Variants in NOVA1 observed in about 807,000 individuals in gnomAD.
NOVA1 encodes the protein RNA-binding protein Nova-1.
A neutral mutation model predicts 38.0 loss-of-function variants in NOVA1; 7 were observed. That is an observed-to-expected ratio of 0.18 (90% confidence interval 0.10 to 0.35). NOVA1 has a LOEUF of 0.35. Among genes scored for constraint, NOVA1 ranks in the 10% least tolerant of loss-of-function variants. The pLI is 1.00. For missense variants in NOVA1, 460 were observed against 616.0 expected, an observed-to-expected ratio of 0.75 and a Z score of 2.68; for synonymous variants, 270 against 232.5, an observed-to-expected ratio of 1.16 and a Z score of -1.47.
chr14:26,567,586 G>C (rs1892213684), intron 2 of NOVA1, among the ~76,000 whole-genome samples: 1 of 152,046 alleles, frequency 6.6e-6, no homozygotes, highest in Non-Finnish European at 1.5e-5. Context: ...ATGAGTCACT[G>C]TACCCGACTG....
chr14:26,562,455 T>G (rs1249631780), intron 2 of NOVA1, among the ~76,000 whole-genome samples: 1 of 152,158 alleles, frequency 6.6e-6, no homozygotes, highest in East Asian at 1.9e-4. Context: ...GTATGGCAGA[T>G]GAGCACACAT....
At chr14:26,541,740 T>C (rs1011947686) in intron 2 of NOVA1, among the ~76,000 whole-genome samples, 1 of 151,618 alleles carries the variant, frequency 6.6e-6, no homozygotes, top group Non-Finnish European at 1.5e-5. Context: ...AATAGAATGT[T>C]TGAATTATTG....
intron 2 of NOVA1, among the ~76,000 whole-genome samples, chr14:26,571,782 G>C (rs1892492764): frequency 1.3e-5 from 2 of 152,114 alleles, no homozygotes; most frequent in South Asian, 2.1e-4. Context: ...AATCACAGAG[G>C]CATCAAAACT....
chr14:26,550,256 GT>G (rs1566528554), intron 2 of NOVA1, among the ~76,000 whole-genome samples: 1 of 151,932 alleles, frequency 6.6e-6, no homozygotes. Context: ...AACAAAATAG[GT>G]AAGACATCAA....
intron 4 of NOVA1, among the ~76,000 whole-genome samples, chr14:26,460,965 A>G (rs1883612232): frequency 6.6e-6 from 1 of 152,216 alleles, no homozygotes; most frequent in Admixed American, 6.6e-5. Flanking sequence ...GAAGATAACT[A>G]CACATTGTGG....
At chr14:26,486,010 A>G (rs1426642887) in intron 2 of NOVA1, among the ~76,000 whole-genome samples, 1 of 152,200 alleles carries the variant, frequency 6.6e-6, no homozygotes, top group East Asian at 1.9e-4. Flanking sequence ...TATTTAAAAC[A>G]ACATGATATA....
chr14:26,527,462 A>T (rs1866036146), intron 2 of NOVA1, among the ~76,000 whole-genome samples: 1 of 152,078 alleles, frequency 6.6e-6, no homozygotes, highest in Admixed American at 6.5e-5. Flanking sequence ...AGAGCATGGT[A>T]ACCCATCTCC....
intron 2 of NOVA1, among the ~76,000 whole-genome samples, chr14:26,539,533 A>G (rs1890317448): frequency 6.6e-6 from 1 of 151,986 alleles, no homozygotes; most frequent in Non-Finnish European, 1.5e-5. Flanking sequence ...GCTCTTATGT[A>G]TATATATGTG....
rs1409749037 is a variant in NOVA1, at chr14:26,447,726, C to T, written c.*233G>A. Reference sequence around the variant, plus strand: ...AATCTTACACTAGAAACACCTCTGACAAATATACACAAGCAAAGTATAGAG... The same window carrying T: ...AATCTTACACTAGAAACACCTCTGATAAATATACACAAGCAAAGTATAGAG... On this transcript the variant is annotated 3_prime_UTR_variant, in exon 5 of 5. Transcript: ENST00000539517. The T allele has an allele frequency of 1.8e-6, 1 of 541,232 alleles. No individual in the cohort carries two copies. The highest frequency in any genetic ancestry group is 3.3e-6 in the Non-Finnish European group (1 of 305,456). 33.5% of individuals were successfully genotyped at this position (541,232 alleles called of 1,614,324 possible).
chr14:26,553,497 C>T (rs1460823841), intron 2 of NOVA1, among the ~76,000 whole-genome samples: 1 of 152,068 alleles, frequency 6.6e-6, no homozygotes, highest in Admixed American at 6.6e-5. Context: ...AGTTGGACCT[C>T]TGCTTGTGTG....
chr14:26,519,877 A>G (rs1888745890), intron 2 of NOVA1, among the ~76,000 whole-genome samples: 1 of 152,136 alleles, frequency 6.6e-6, no homozygotes. Context: ...ATCACAGAAA[A>G]AAGTTATGTT....
At chr14:26,559,228 A>G (rs573883257) in intron 2 of NOVA1, among the ~76,000 whole-genome samples, 4 of 152,150 alleles carry the variant, frequency 2.6e-5, no homozygotes, top group Non-Finnish European at 5.9e-5. Context: ...AGAAATAGTA[A>G]TCAAGTTTAG....
rs188363253 is a variant in NOVA1 at position 26,518,630 on chromosome 14, C to A, written c.281-38487G>T. ...AGGGTATTTAGCATATCACTTCACA[C>A]ATTTATCATTTCTTTGTAGTGAGAA... On this transcript the variant is annotated intron_variant, in intron 2 of 4. Transcript: ENST00000539517. 3.3e-5 allele frequency among the ~76,000 whole-genome samples: 5 copies of A among 152,178 alleles called. No individual in the cohort carries two copies. The East Asian group carries it at 7.7e-4, about 24-fold the overall frequency.
At chr14:26,557,528 A>ATTTTT (rs375431107) in intron 2 of NOVA1, among the ~76,000 whole-genome samples, 1 of 141,082 alleles carries the variant, frequency 7.1e-6, no homozygotes, top group African/African-American at 2.6e-5. Context: ...TGACTGGCTA[A>ATTTTT]TTTTTTTTTT....
intron 2 of NOVA1, among the ~76,000 whole-genome samples, chr14:26,480,806 G>A (rs1192176586): frequency 6.6e-6 from 1 of 152,000 alleles, no homozygotes; most frequent in East Asian, 1.9e-4. Flanking sequence ...TTGGATAAAT[G>A]AATCAGTGCT....
rs1402169746 is a variant in NOVA1 at position 26,448,264 on chromosome 14, C to T, written c.1219G>A (p.Ala407Thr). Residue 407 changes from alanine (A) to threonine (T), a missense_variant, in exon 5 of 5, where the codon GCC (alanine) becomes ACC (threonine). Transcript: ENST00000539517. The surrounding 1 kb of genome is among the most constrained non-coding windows in gnomAD (Gnocchi z 5.3). ...TTTTCTGTTCCTAGAATGGCACTGG[C>T]AGCTAGGGGAGAAGCAGCTCCAAAA... Reference protein sequence around the residue: ...GYFGAASPLAASAILGTEKST... With the variant: ...GYFGAASPLATSAILGTEKST... The T allele has an allele frequency of 1.9e-6, 3 of 1,614,074 alleles. No individual in the cohort carries two copies. Among genetic ancestry groups the T allele is most frequent in the Non-Finnish European group, 2.5e-6 (3 of 1,180,040 alleles).
chr14:26,472,912 A>C (rs2138258765), intron 3 of NOVA1, among the ~76,000 whole-genome samples: 1 of 152,186 alleles, frequency 6.6e-6, no homozygotes, highest in East Asian at 1.9e-4. Context: ...TCCATACTTA[A>C]AAGCAATTAA....
At chr14:26,476,778 G>A (rs1353892728) in intron 3 of NOVA1, among the ~76,000 whole-genome samples, 9 of 145,670 alleles carry the variant, frequency 6.2e-5, no homozygotes, top group Admixed American at 1.4e-4. Context: ...GTACAATGGC[G>A]CGATCTTGGC....
chr14:26,471,415 T>C (rs1884580389), intron 4 of NOVA1, among the ~76,000 whole-genome samples: 1 of 151,802 alleles, frequency 6.6e-6, no homozygotes, highest in Non-Finnish European at 1.5e-5. Flanking sequence ...TAAGCTTATA[T>C]TTAATATTTA....
Sources: allele counts gnomAD v4.1 joint callset (sites outside exome capture counted in the v4.1 genomes callset), GRCh38; gene constraint gnomAD v4.1.1; non-coding constraint Gnocchi (gnomAD v3.1); transcripts MANE v1.5; gene names NCBI Gene and HGNC (gene_info 2026-07-23, HGNC 2026-07-21).